MCTP2: variants seen among roughly 807,000 people sequenced by gnomAD.
MCTP2 encodes multiple C2 and transmembrane domain-containing protein 2.
A neutral mutation model predicts 111.6 loss-of-function variants in MCTP2; 132 were observed. The ratio of observed to expected loss-of-function variants is 1.18; its 90% CI spans 1.03 to 1.37. MCTP2 has a LOEUF of 1.37. MCTP2 is among the 40% of genes most tolerant of loss of function. The pLI is 0.00. For missense variants in MCTP2, 1,183 were observed against 1,067.9 expected (o/e 1.11, Z -1.50); for synonymous variants, 395 against 387.7 (o/e 1.02, Z -0.22).
At chr15:94,377,951 G>A (rs544143167) in intron 12 of MCTP2, among the ~76,000 whole-genome samples, 6 of 152,196 alleles carry the variant, frequency 3.9e-5, no homozygotes, top group Non-Finnish European at 7.3e-5. Context: ...CAAGCAGGAC[G>A]AGAAGACAGA....
chr15:94,456,532 C>T (rs1450500217), intron 19 of MCTP2, among the ~76,000 whole-genome samples: 1 of 152,140 alleles, frequency 6.6e-6, no homozygotes, highest in African/African-American at 2.4e-5. Context: ...GCTGGGTTTT[C>T]ACCATTGTGC....
intron 1 of MCTP2, among the ~76,000 whole-genome samples, chr15:94,249,035 A>C (rs1261079019): frequency 6.6e-6 from 1 of 152,206 alleles, no homozygotes; most frequent in Admixed American, 6.5e-5. Context: ...TTGTGCAGAT[A>C]GATGCCTGTA....
intron 17 of MCTP2, among the ~76,000 whole-genome samples, chr15:94,423,721 C>A (rs2082734779): frequency 6.6e-6 from 1 of 152,128 alleles, no homozygotes. Flanking sequence ...ATGGTAGTGG[C>A]TGCTTGGGAA....
At chr15:94,418,360 T>C (rs1250245548) in intron 17 of MCTP2, among the ~76,000 whole-genome samples, 1 of 152,174 alleles carries the variant, frequency 6.6e-6, no homozygotes, top group East Asian at 1.9e-4. Context: ...CCTACCTTTA[T>C]GGAGAATAAA....
In MCTP2 at chr15:94,308,782, C is replaced by A. The variant is rs1389422646; in HGVS notation, c.466-5500C>A. 3.3e-5 allele frequency among the ~76,000 whole-genome samples: 5 copies of A among 152,266 alleles called. No homozygotes were observed. The East Asian group carries it at 7.7e-4, about 23-fold the overall frequency. On this transcript the variant is annotated intron_variant, in intron 2 of 22. Transcript: ENST00000357742. ...CTGTCACAACTACTCAAGGTGAGGTCACATGACATTGGCCATAGACAACAC... is the reference window on the plus strand; with the variant it reads ...CTGTCACAACTACTCAAGGTGAGGTAACATGACATTGGCCATAGACAACAC...
intron 20 of MCTP2, among the ~76,000 whole-genome samples, chr15:94,459,877 C>G (rs1197926626): frequency 1.3e-5 from 2 of 152,194 alleles, no homozygotes; most frequent in Non-Finnish European, 2.9e-5. Context: ...AACACACTAG[C>G]TCCTTTGAGG....
intron 12 of MCTP2, among the ~76,000 whole-genome samples, chr15:94,379,071 T>TTG (rs1555462502): frequency 1.4e-4 from 20 of 143,726 alleles, no homozygotes; most frequent in African/African-American, 4.6e-4. Flanking sequence ...TTGTTTTTTG[T>TTG]TTTTTTTTTT....
At chr15:94,463,595 G>A (rs1386461090) in intron 20 of MCTP2, among the ~76,000 whole-genome samples, 2 of 151,946 alleles carry the variant, frequency 1.3e-5, no homozygotes, top group Admixed American at 1.3e-4. Context: ...TGCTGTACTG[G>A]CTATTAGCTG....
chr15:94,380,593 C>A (rs1484157680), intron 12 of MCTP2, among the ~76,000 whole-genome samples: 1 of 151,994 alleles, frequency 6.6e-6, no homozygotes, highest in Non-Finnish European at 1.5e-5. Context: ...CATGGTGAAA[C>A]CCTGTCTCCA....
At chr15:94,384,161 C>A in intron 13 of MCTP2, 37 bp downstream of exon 13, 1 of 1,431,376 alleles carries the variant, frequency 7.0e-7, no homozygotes, top group Non-Finnish European at 9.8e-7. Context: ...TTCTGCTGTG[C>A]TTGGAAGGTA....
chr15:94,236,820 C>T (rs1216399296), intron 1 of MCTP2, among the ~76,000 whole-genome samples: 2 of 152,060 alleles, frequency 1.3e-5, no homozygotes, highest in Non-Finnish European at 2.9e-5. Flanking sequence ...GCAGGAAAGG[C>T]GCTCATAAGT....
Position 94,408,642 on chromosome 15 carries a change from A to G in MCTP2, c.2085+6623A>G, listed in dbSNP as rs370430098. On this transcript the variant is annotated intron_variant, in intron 17 of 22. Coordinates refer to ENST00000357742, the MANE Select transcript of MCTP2 (RefSeq NM_001385001.1). ...AATTTAATAAAATTACAGTAATCGCATTAAAAAGATTATCTGTTAAAAATT... is the reference window on the plus strand; with the variant it reads ...AATTTAATAAAATTACAGTAATCGCGTTAAAAAGATTATCTGTTAAAAATT... Among the ~76,000 whole-genome samples the G allele has an allele frequency of 3.3e-5, 5 of 152,242 alleles. No homozygotes were observed. The East Asian group carries it at 5.8e-4, about 18-fold the overall frequency.
chr15:94,390,969 T>A (rs1382810231), intron 14 of MCTP2, among the ~76,000 whole-genome samples: 13 of 151,964 alleles, frequency 8.6e-5, no homozygotes, highest in Admixed American at 8.5e-4. Context: ...ACCTCAGGTG[T>A]TCTGCCCACC....
At chr15:94,461,461 A>G (rs1216348606) in intron 20 of MCTP2, among the ~76,000 whole-genome samples, 1 of 152,208 alleles carries the variant, frequency 6.6e-6, no homozygotes, top group Non-Finnish European at 1.5e-5. Flanking sequence ...CTCCAGCTCA[A>G]AAAAGCAAAC....
intron 4 of MCTP2, among the ~76,000 whole-genome samples, chr15:94,334,437 T>C (rs2077262859): frequency 6.6e-6 from 1 of 152,248 alleles, no homozygotes; most frequent in African/African-American, 2.4e-5. Flanking sequence ...AGCTTTGATT[T>C]GGAGAAATTT....
chr15:94,466,095 C>T lies in MCTP2; in HGVS notation c.2361-4238C>T, dbSNP rs574635701. 3.9e-5 allele frequency among the ~76,000 whole-genome samples: 6 copies of T among 152,208 alleles called. No individual in the cohort carries two copies. In the East Asian group the frequency reaches 1.2e-3, roughly 29 times the overall value. On this transcript the variant is annotated intron_variant, in intron 20 of 22. Transcript: ENST00000357742. ...ATTATGGTTTGCATTTTTCAAAATT[C>T]TACTTCATCAATTTTTCTTGTTTTT...
chr15:94,390,089 T>TATATATATATATATATATACAA (rs1567602819), intron 14 of MCTP2, among the ~76,000 whole-genome samples: 1 of 13,606 alleles, frequency 7.3e-5, no homozygotes, highest in African/African-American at 1.5e-4. Context: ...TATATATATA[T>TATATATATATATATATATACAA]GTATATATAT....
chr15:94,424,622 C>T (rs972121368), intron 17 of MCTP2, among the ~76,000 whole-genome samples: 1 of 152,182 alleles, frequency 6.6e-6, no homozygotes, highest in African/African-American at 2.4e-5. Context: ...TTGGGATATA[C>T]AGTTTCTGCT....
chr15:94,351,119 G>C (rs1325046368), intron 8 of MCTP2, among the ~76,000 whole-genome samples: 2 of 152,134 alleles, frequency 1.3e-5, no homozygotes, highest in African/African-American at 4.8e-5. Context: ...CTCTGGAACT[G>C]ATACCATTTT....
Sources: gnomAD v4.1 joint callset for allele counts (sites outside exome capture counted in the v4.1 genomes callset) on GRCh38, gnomAD v4.1.1 for gene constraint, MANE v1.5 for transcripts, NCBI Gene and HGNC (gene_info 2026-07-23, HGNC 2026-07-21) for gene names.